Variants in ARPC5L observed in about 807,000 individuals in gnomAD.
The protein encoded by ARPC5L is actin-related protein 2/3 complex subunit 5-like protein.
A neutral mutation model predicts 16.9 loss-of-function variants in ARPC5L; 4 were observed. The observed-to-expected ratio is 0.24, with a 90% CI of 0.12 to 0.54. The LOEUF (loss-of-function observed/expected upper bound fraction) is 0.54, where lower values mean the gene tolerates loss of function less well. Among genes scored for constraint, ARPC5L ranks in the 20% least tolerant of loss-of-function variants. ARPC5L has a pLI of 0.95. For missense variants in ARPC5L, 151 were observed against 201.9 expected, an observed-to-expected ratio of 0.75 and a Z score of 1.53; for synonymous variants, 78 against 82.6, an observed-to-expected ratio of 0.94 and a Z score of 0.30.
chr9:124,873,778 G>A lies in ARPC5L; in HGVS notation c.222+14G>A, dbSNP rs201923025. On this transcript the variant is annotated intron_variant, in intron 4 of 5. Coordinates refer to ENST00000353214, the MANE Select transcript of ARPC5L (RefSeq NM_030978.3). ...CAAGCTGTGAAGGTAAAGGGGTGGC[G>A]CTGCGGCTCTGCTGGGTGCTGTTGG... 1.2e-5 allele frequency: 20 copies of A among 1,613,952 alleles called. No homozygotes were observed. In the Middle Eastern group the frequency reaches 8.2e-4, roughly 67 times the overall value.
Position 124,877,478 on chromosome 9 carries a change from A to T in ARPC5L, c.*538A>T, listed in dbSNP as rs1588047320. The stretch of plus-strand genomic sequence containing the variant: ...AATGAATGGGATGGTAATGAATGAG[A>T]GTTCAGTTGTTGTTCCGGAAACCCG... On this transcript the variant is annotated 3_prime_UTR_variant, in exon 6 of 6. Transcript: ENST00000353214. 1 of 153,156 alleles carries T rather than the reference A, an allele frequency of 6.5e-6. No homozygotes were observed. The highest frequency in any genetic ancestry group is 2.4e-5 in the African/African-American group (1 of 41,522). The allele number at this position is 153,156 out of a possible 1,614,324, so 9.5% of individuals were successfully genotyped here.
chr9:124,872,846 C>G (rs1196941415), intron 3 of ARPC5L: 1 of 152,236 alleles, frequency 6.6e-6, no homozygotes, highest in Non-Finnish European at 1.5e-5. Context: ...AGCTCTGCTC[C>G]GAAGGCCCTT....
intron 2 of ARPC5L, among the ~76,000 whole-genome samples, chr9:124,864,380 A>C (rs574958267): frequency 2.0e-5 from 3 of 151,738 alleles, no homozygotes; most frequent in South Asian, 2.1e-4. Flanking sequence ...TTTTTTCCAA[A>C]ATGGAGTCTT....
rs773552796 is a variant in ARPC5L, at chr9:124,875,032, G to C, written c.280G>C (p.Glu94Gln). Residue 94 changes from glutamate (E) to glutamine (Q), a missense_variant, in exon 5 of 6, where the codon GAG becomes CAG. Coordinates refer to ENST00000353214, the MANE Select transcript of ARPC5L (RefSeq NM_030978.3). ...CACAAACTTCAAGAGCAGTGAGATT[G>C]AGCAGGCTGTGCAGTCACTGGACAG... ...VLTNFKSSEI[E>Q]QAVQSLDRNG... The C allele has an allele frequency of 4.3e-6, 7 of 1,614,072 alleles. No homozygotes were observed. Among genetic ancestry groups the C allele is most frequent in the Non-Finnish European group, 5.9e-6 (7 of 1,179,926 alleles).
chr9:124,873,533 C>T, intron 3 of ARPC5L, 159 bp from the exon 4 acceptor site: 2 of 740,840 alleles, frequency 2.7e-6, no homozygotes, highest in Non-Finnish European at 4.6e-6. Flanking sequence ...CCTCCCTGTG[C>T]AGGCTGTAAA....
chr9:124,867,805 TTTC>T (rs1237280214), intron 2 of ARPC5L, among the ~76,000 whole-genome samples: 27 of 113,128 alleles, frequency 2.4e-4, no homozygotes, highest in Non-Finnish European at 1.2e-4. Flanking sequence ...TTTCTTTTCT[TTTC>T]TTTTTTTTTT....
In ARPC5L at chr9:124,869,537, T is replaced by C. The variant is rs1380915651; in HGVS notation, c.149+98T>C. The C allele has an allele frequency of 1.0e-5, 14 of 1,387,864 alleles. No homozygotes were observed. In the East Asian group the frequency reaches 4.0e-4, roughly 40 times the overall value. 86.0% of individuals were successfully genotyped at this position (1,387,864 alleles called of 1,614,324 possible). ...CCCTTTCGGGCGGGCCTCCCCTGTC[T>C]CCGACCCTTGGCCCCCTCAGGTCAG... On this transcript the variant is annotated intron_variant, in intron 3 of 5. Coordinates refer to ENST00000353214, the MANE Select transcript of ARPC5L (RefSeq NM_030978.3).
intron 4 of ARPC5L, among the ~76,000 whole-genome samples, chr9:124,874,473 G>A (rs140132575): frequency 6.9e-4 from 105 of 152,266 alleles, no homozygotes; most frequent in African/African-American, 2.2e-3. Context: ...CAGGAGGATC[G>A]CTTGAGCTCA....
At position 124,874,969 on chromosome 9, in the gene ARPC5L, CT is replaced by C; in HGVS notation, c.223-5del. 4 of 1,613,570 alleles carry C rather than the reference CT, an allele frequency of 2.5e-6. No individual in the cohort carries two copies. Among genetic ancestry groups the C allele is most frequent in the Non-Finnish European group, 3.4e-6 (4 of 1,179,880 alleles). On this transcript the variant is annotated splice_polypyrimidine_tract_variant and splice_region_variant and intron_variant, in intron 4 of 5. Coordinates refer to ENST00000353214, the MANE Select transcript of ARPC5L (RefSeq NM_030978.3). ...CTGGGACTCACTTGCTCTTTTTCGT[CT>C]GCAGGAGCGAGCCCAGGGCGTGGTG... is the stretch of plus-strand genomic sequence containing the variant.
intron 3 of ARPC5L, among the ~76,000 whole-genome samples, chr9:124,871,418 C>G (rs1182833357): frequency 6.6e-6 from 1 of 152,202 alleles, no homozygotes; most frequent in African/African-American, 2.4e-5. Flanking sequence ...TCACTGGGCA[C>G]ACAGCAAGTG....
intron 1 of ARPC5L, among the ~76,000 whole-genome samples, chr9:124,863,096 C>T (rs1588038988): frequency 6.6e-6 from 1 of 151,978 alleles, no homozygotes; most frequent in African/African-American, 2.4e-5. Flanking sequence ...CCCAGAGTGC[C>T]TAGGATTACA....
chr9:124,869,984 C>G (rs1250755104), intron 3 of ARPC5L, among the ~76,000 whole-genome samples: 3 of 152,170 alleles, frequency 2.0e-5, no homozygotes, highest in Non-Finnish European at 1.5e-5. Flanking sequence ...AGGCGGCCGC[C>G]GTATTTCAGC....
intron 3 of ARPC5L, 137 bp from the exon 4 acceptor site, chr9:124,873,555 C>A (rs1455525984): frequency 3.2e-6 from 3 of 947,920 alleles, no homozygotes; most frequent in Non-Finnish European, 5.0e-6. Context: ...CGTCTCTGCC[C>A]CCCTGGAAGC....
chr9:124,869,127 C>T lies in ARPC5L; in HGVS notation c.-164C>T, dbSNP rs962809726. 4.7e-6 allele frequency: 4 copies of T among 844,438 alleles called. No individual in the cohort carries two copies. Among genetic ancestry groups the T allele is most frequent in the South Asian group, 8.5e-5 (2 of 23,396 alleles). 52.3% of individuals were successfully genotyped at this position (844,438 alleles called of 1,614,324 possible). A position where few individuals can be genotyped will look rare whatever the true frequency, so the allele number is the denominator to read the frequency against. On this transcript the variant is annotated 5_prime_UTR_variant, in exon 3 of 6. Transcript: ENST00000353214. ...ACGGCGCTTCCGGATCCGGCGGGTG[C>T]CGGAAGTGGGCGGGCGGCGGCGGCT...
At chr9:124,865,678 A>T (rs1359898158) in intron 2 of ARPC5L, among the ~76,000 whole-genome samples, 1 of 151,768 alleles carries the variant, frequency 6.6e-6, no homozygotes. Flanking sequence ...CTATAATCAC[A>T]GCTATTCGGG....
In ARPC5L at chr9:124,877,474, T is replaced by TGAG. The variant is rs2131341748; in HGVS notation, c.*535_*537dup. ...TGGTAATGAATGGGATGGTAATGAATGAGAGTTCAGTTGTTGTTCCGGAAA... is the reference window on the plus strand; with the variant it reads ...TGGTAATGAATGGGATGGTAATGAATGAGGAGAGTTCAGTTGTTGTTCCGGAAA... On this transcript the variant is annotated 3_prime_UTR_variant, in exon 6 of 6. Transcript: ENST00000353214. The TGAG allele has an allele frequency of 6.5e-6, 1 of 153,314 alleles. No individual in the cohort carries two copies. The highest frequency in any genetic ancestry group is 2.1e-4 in the South Asian group (1 of 4,862). The allele number at this position is 153,314 out of a possible 1,614,324, so 9.5% of individuals were successfully genotyped here. A position where few individuals can be genotyped will look rare whatever the true frequency, so the allele number is the denominator to read the frequency against.
rs888888444 is a variant in ARPC5L, at chr9:124,869,189, C to G, written c.-102C>G. The G allele has an allele frequency of 7.8e-6, 10 of 1,282,648 alleles. No individual in the cohort carries two copies. The highest frequency in any genetic ancestry group is 6.4e-5 in the East Asian group (2 of 31,426). 79.5% of individuals were successfully genotyped at this position (1,282,648 alleles called of 1,614,324 possible). A position where few individuals can be genotyped will look rare whatever the true frequency, so the allele number is the denominator to read the frequency against. ...CGGTGGAGGAGGTGCTGGGAGCAGC[C>G]GGGCAGCCGCTTCCCGCCCCCGAGC... is the stretch of plus-strand genomic sequence containing the variant. On this transcript the variant is annotated 5_prime_UTR_variant, in exon 3 of 6. Transcript: ENST00000353214.
chr9:124,869,650 C>T (rs1405996705), intron 3 of ARPC5L, among the ~76,000 whole-genome samples: 1 of 152,244 alleles, frequency 6.6e-6, no homozygotes, highest in Non-Finnish European at 1.5e-5. Flanking sequence ...GCCCTGGCGC[C>T]TTCTTCTGCA....
In ARPC5L at chr9:124,862,332, T is replaced by C. The variant is rs527875521; in HGVS notation, c.-1050T>C. The C allele has an allele frequency of 2.5e-4, 44 of 175,676 alleles. No homozygotes were observed. The Admixed American group carries it at 2.6e-3, about 10-fold the overall frequency. 10.9% of individuals were successfully genotyped at this position (175,676 alleles called of 1,614,324 possible). On this transcript the variant is annotated 5_prime_UTR_variant, in exon 1 of 6. Transcript: ENST00000353214. ...AACTCTGAGCTGGGCGCCAGTAGTCTGGGGGTGCTGACGGGAGGAGGGGCC... is the reference window on the plus strand; with the variant it reads ...AACTCTGAGCTGGGCGCCAGTAGTCCGGGGGTGCTGACGGGAGGAGGGGCC...
Sources: gnomAD v4.1 joint callset for allele counts (sites outside exome capture counted in the v4.1 genomes callset) on GRCh38, gnomAD v4.1.1 for gene constraint, MANE v1.5 for transcripts, NCBI Gene and HGNC (gene_info 2026-07-23, HGNC 2026-07-21) for gene names.